CELF4: variants seen among roughly 807,000 people sequenced by gnomAD.
CELF4 encodes the protein CUG-BP- and ETR-3-like factor 4.
CELF4 carries 18 observed loss-of-function variants against 59.9 expected under a neutral mutation model. The ratio of observed to expected loss-of-function variants is 0.30; its 90% CI spans 0.21 to 0.45. The LOEUF (loss-of-function observed/expected upper bound fraction) is 0.45. Ranked by LOEUF, CELF4 falls within the 20% of genes least tolerant of loss-of-function variation. The pLI is 1.00. For synonymous variants in CELF4, 261 were observed against 267.1 expected (o/e 0.98, Z 0.22); for missense variants, 456 against 689.0 (o/e 0.66, Z 3.79).
intron 2 of CELF4, among the ~76,000 whole-genome samples, chr18:37,467,430 G>A (rs937565302): frequency 1.3e-5 from 2 of 152,108 alleles, no homozygotes; most frequent in Non-Finnish European, 2.9e-5. Flanking sequence ...TTTGGACACC[G>A]CCAGAAGAAG....
At chr18:37,303,617 C>T (rs1046744875) in intron 3 of CELF4, among the ~76,000 whole-genome samples, 5 of 152,086 alleles carry the variant, frequency 3.3e-5, no homozygotes, top group Admixed American at 6.5e-5. Context: ...GGAGGCAACA[C>T]GTCCTCCTTT....
rs574900444 is a variant in CELF4 at position 37,254,281 on chromosome 18, C to G, written c.1334-343G>C. 1.1e-4 allele frequency among the ~76,000 whole-genome samples: 17 copies of G among 151,856 alleles called. No individual in the cohort carries two copies. Among genetic ancestry groups the G allele is most frequent in the African/African-American group, 4.1e-4 (17 of 41,520 alleles). On this transcript the variant is annotated intron_variant, in intron 11 of 12. Transcript: ENST00000420428. This position sits in a 1 kb window ranked among gnomAD's most constrained non-coding sequence, Gnocchi z 5.1. ...CCGGCCCCGGCACCTCAGCCCTCGC[C>G]TCGGCGGGAGAGGGCGGACACACCT... is the stretch of plus-strand genomic sequence containing the variant.
rs1435678648 is a variant in CELF4, at chr18:37,438,050, C to T, written c.369+47475G>A. On this transcript the variant is annotated intron_variant, in intron 2 of 12. Coordinates refer to ENST00000420428, the MANE Select transcript of CELF4 (RefSeq NM_020180.4). ...TAGCAAGAAGGCGGCTGTCTGCAAG[C>T]CCAGAAAAGAGCCCTCACCAGACAC... Among the ~76,000 whole-genome samples the T allele has an allele frequency of 3.9e-5, 6 of 152,206 alleles. No homozygotes were observed. The East Asian group carries it at 1.2e-3, about 29-fold the overall frequency.
At chr18:37,303,801 A>G (rs2096231856) in intron 3 of CELF4, among the ~76,000 whole-genome samples, 1 of 151,990 alleles carries the variant, frequency 6.6e-6, no homozygotes, top group Non-Finnish European at 1.5e-5. Context: ...CTCCTGTCTG[A>G]CGGGACATTC....
At chr18:37,393,856 CTTT>C (rs397959278) in intron 2 of CELF4, among the ~76,000 whole-genome samples, 7 of 131,138 alleles carry the variant, frequency 5.3e-5, no homozygotes, top group African/African-American at 1.7e-4. Context: ...CTTTACGCGG[CTTT>C]TTTTTTTTTT....
chr18:37,554,698 T>C (rs889500243), intron 1 of CELF4, among the ~76,000 whole-genome samples: 1 of 152,170 alleles, frequency 6.6e-6, no homozygotes, highest in African/African-American at 2.4e-5. Flanking sequence ...CTGACTGCCC[T>C]CTTTCCATTC....
At chr18:37,485,465 C>T in intron 2 of CELF4, 60 bp downstream of exon 2, 1 of 1,116,110 alleles carries the variant, frequency 9.0e-7, no homozygotes, top group Non-Finnish European at 1.1e-6. Context: ...GCCGCCCGGC[C>T]TCCCGAAGTC....
intron 12 of CELF4, among the ~76,000 whole-genome samples, chr18:37,250,762 A>T (rs2064999711): frequency 6.6e-6 from 1 of 152,148 alleles, no homozygotes; most frequent in Non-Finnish European, 1.5e-5. Flanking sequence ...GAAGCTCTCT[A>T]TCTCTTCTTA....
At chr18:37,270,554 T>A (rs555165709) in intron 8 of CELF4, among the ~76,000 whole-genome samples, 1 of 152,214 alleles carries the variant, frequency 6.6e-6, no homozygotes. Context: ...CAGATCAGAA[T>A]GACATATCCC....
At chr18:37,280,398 T>C (rs2093977987) in intron 3 of CELF4, among the ~76,000 whole-genome samples, 1 of 152,142 alleles carries the variant, frequency 6.6e-6, no homozygotes, top group South Asian at 2.1e-4. Flanking sequence ...GTTTTCTCTT[T>C]TAAGGGGTTG....
intron 1 of CELF4, among the ~76,000 whole-genome samples, chr18:37,533,432 G>A (rs1257013964): frequency 6.6e-6 from 1 of 152,172 alleles, no homozygotes; most frequent in African/African-American, 2.4e-5. Flanking sequence ...CATACAGCAG[G>A]GGGGTGATTT....
At chr18:37,515,599 G>T (rs750846461) in intron 1 of CELF4, among the ~76,000 whole-genome samples, 1 of 152,204 alleles carries the variant, frequency 6.6e-6, no homozygotes, top group Non-Finnish European at 1.5e-5. Context: ...CTCCCTACTC[G>T]TGGAGCTCAC....
At chr18:37,348,288 G>A (rs1045231045) in intron 2 of CELF4, among the ~76,000 whole-genome samples, 8 of 152,198 alleles carry the variant, frequency 5.3e-5, no homozygotes, top group South Asian at 2.1e-4. Context: ...GGAGCTACAC[G>A]CACACACTAG....
rs2061187487 is a variant in CELF4 at position 37,244,050 on chromosome 18, T to C, written c.*1192A>G. Reference sequence around the variant, plus strand: ...TGGGGACAACGGCATCCGACTGCACTCGCGGGGAGAAGGGATTGATGCTCT... The same window carrying C: ...TGGGGACAACGGCATCCGACTGCACCCGCGGGGAGAAGGGATTGATGCTCT... On this transcript the variant is annotated 3_prime_UTR_variant, in exon 13 of 13. Coordinates refer to ENST00000420428, the MANE Select transcript of CELF4 (RefSeq NM_020180.4). 1 of 157,506 alleles carries C rather than the reference T, an allele frequency of 6.3e-6. No homozygotes were observed. Among genetic ancestry groups the C allele is most frequent in the Non-Finnish European group, 1.4e-5 (1 of 70,962 alleles). 9.8% of individuals were successfully genotyped at this position (157,506 alleles called of 1,614,324 possible). A position where few individuals can be genotyped will look rare whatever the true frequency, so the allele number is the denominator to read the frequency against.
chr18:37,556,464 T>A (rs979536509), intron 1 of CELF4, among the ~76,000 whole-genome samples: 1 of 152,250 alleles, frequency 6.6e-6, no homozygotes, highest in Non-Finnish European at 1.5e-5. Flanking sequence ...TGGTGAGATG[T>A]GGCCCTTTAA....
At chr18:37,273,434 T>C in intron 6 of CELF4, 1 of 1,190,794 alleles carries the variant, frequency 8.4e-7, no homozygotes, top group Non-Finnish European at 1.0e-6. Flanking sequence ...GGAGACTGGC[T>C]CTGTGGGTGC....
intron 11 of CELF4, among the ~76,000 whole-genome samples, chr18:37,258,279 T>C (rs2071494231): frequency 7.0e-6 from 1 of 143,078 alleles, no homozygotes; most frequent in Admixed American, 7.1e-5. Context: ...CTCTGCATAG[T>C]GGAAACCCCC....
At chr18:37,523,145 T>A (rs2099959541) in intron 1 of CELF4, among the ~76,000 whole-genome samples, 1 of 151,904 alleles carries the variant, frequency 6.6e-6, no homozygotes, top group Admixed American at 6.6e-5. Context: ...TGGGCACACA[T>A]TCACGTGGGC....
At chr18:37,350,253 C>A (rs2098411758) in intron 2 of CELF4, among the ~76,000 whole-genome samples, 1 of 152,162 alleles carries the variant, frequency 6.6e-6, no homozygotes, top group African/African-American at 2.4e-5. Flanking sequence ...CATATGACGA[C>A]CAAGACTTTC....
Sources: allele counts gnomAD v4.1 joint callset (sites outside exome capture counted in the v4.1 genomes callset), GRCh38; gene constraint gnomAD v4.1.1; non-coding constraint Gnocchi (gnomAD v3.1); transcripts MANE v1.5; gene names NCBI Gene and HGNC (gene_info 2026-07-23, HGNC 2026-07-21).